Variants in PAK1 observed in about 807,000 individuals in gnomAD.
The protein encoded by PAK1 is p21 (RAC1) activated kinase 1, also known as serine/threonine-protein kinase PAK 1.
Under a neutral mutation model 67.4 loss-of-function variants are expected in PAK1, and 29 were observed. The observed-to-expected ratio is 0.43, with a 90% CI of 0.32 to 0.59. The LOEUF (loss-of-function observed/expected upper bound fraction) is 0.59, where lower values mean the gene tolerates loss of function less well. PAK1 is among the 20% of genes least tolerant of loss of function. The probability of loss-of-function intolerance (pLI) is 0.07; values close to 1 mark genes in which losing one functional copy is unlikely to be tolerated. For missense variants in PAK1, 337 were observed against 670.7 expected (o/e 0.50, Z 5.50); for synonymous variants, 223 against 237.4 (o/e 0.94, Z 0.56).
the PAK1 span, among the ~76,000 whole-genome samples, chr11:77,525,828 A>G: frequency 2.6e-4 from 39 of 152,368 alleles, no homozygotes; most frequent in African/African-American, 9.4e-4. Context: ...TTTTGAAACC[A>G]TCTTTCTCTG....
chr11:77,365,715 C>T (rs1947463356), intron 5 of PAK1, among the ~76,000 whole-genome samples: 1 of 152,004 alleles, frequency 6.6e-6, no homozygotes, highest in African/African-American at 2.4e-5. Context: ...CACCTGAAAT[C>T]CCAGCTACTC....
At chr11:77,355,635 G>C (rs768841164) in intron 7 of PAK1, 33 bp downstream of exon 7, 2 of 1,577,322 alleles carry the variant, frequency 1.3e-6, no homozygotes, top group South Asian at 2.2e-5. Flanking sequence ...GTCATAAAAC[G>C]AAGAAAGGTT....
At chr11:77,374,472 T>A (rs767895855) in intron 4 of PAK1, 107 bp from the exon 5 acceptor site, 15 of 728,334 alleles carry the variant, frequency 2.1e-5, no homozygotes, top group Non-Finnish European at 3.2e-5. Flanking sequence ...ATTCAGAGAA[T>A]AGTAATAGTA....
At chr11:77,414,390 G>A (rs1954835310) in intron 1 of PAK1, among the ~76,000 whole-genome samples, 1 of 152,208 alleles carries the variant, frequency 6.6e-6, no homozygotes, top group Admixed American at 6.5e-5. Context: ...CTTTAAATAT[G>A]TGTAAATATA....
chr11:77,479,198 C>T (rs1958092093), upstream of PAK1, among the ~76,000 whole-genome samples: 2 of 152,028 alleles, frequency 1.3e-5, no homozygotes, highest in Non-Finnish European at 2.9e-5. Context: ...AGAAGCATAC[C>T]GTCACGAGTT....
intron 1 of PAK1, among the ~76,000 whole-genome samples, chr11:77,464,626 TATG>T (rs1488151356): frequency 6.6e-6 from 1 of 152,216 alleles, no homozygotes; most frequent in Non-Finnish European, 1.5e-5. Context: ...CTCCTTGACT[TATG>T]ATTAGGTTAC....
At chr11:77,336,955 A>G (rs1050158432) in intron 12 of PAK1, among the ~76,000 whole-genome samples, 5 of 151,960 alleles carry the variant, frequency 3.3e-5, no homozygotes, top group African/African-American at 7.3e-5. Context: ...TGGACATTCA[A>G]TAAAAGTTTG....
intron 1 of PAK1, among the ~76,000 whole-genome samples, chr11:77,445,392 A>T (rs891575266): frequency 3.9e-5 from 6 of 152,204 alleles, no homozygotes; most frequent in African/African-American, 1.2e-4. Flanking sequence ...CTAAACTACT[A>T]AAGTTTGTAC....
Position 77,445,403 on chromosome 11 carries a change from CCA to C in PAK1, c.-22+28147_-22+28148del, listed in dbSNP as rs1176590916. Reference sequence around the variant, plus strand: ...TTCTCTAAACTACTAAAGTTTGTACCCAGTTTATTTGGTGGCACTGTTCAATT... The same window carrying C: ...TTCTCTAAACTACTAAAGTTTGTACCGTTTATTTGGTGGCACTGTTCAATT... On this transcript the variant is annotated intron_variant, in intron 1 of 14. Coordinates refer to ENST00000356341, the MANE Select transcript of PAK1 (RefSeq NM_002576.5). 3.3e-5 allele frequency among the ~76,000 whole-genome samples: 5 copies of C among 152,152 alleles called. No homozygotes were observed. In the East Asian group the frequency reaches 9.6e-4, roughly 29 times the overall value.
chr11:77,379,217 C>A (rs1299605982), intron 4 of PAK1, 24 bp downstream of exon 4: 2 of 1,564,978 alleles, frequency 1.3e-6, no homozygotes, highest in Non-Finnish European at 1.7e-6. Flanking sequence ...CTTGCTGAGA[C>A]TGCCCTGGAC....
intron 1 of PAK1, among the ~76,000 whole-genome samples, chr11:77,410,366 T>G (rs1181755211): frequency 6.6e-6 from 1 of 151,864 alleles, no homozygotes; most frequent in Non-Finnish European, 1.5e-5. Flanking sequence ...AGGGAGTGCT[T>G]GTTGGCAGGC....
chr11:77,382,735 C>T lies in PAK1; in HGVS notation c.191-2741G>A, dbSNP rs144307130. 7.9e-5 allele frequency among the ~76,000 whole-genome samples: 12 copies of T among 152,256 alleles called. No individual in the cohort carries two copies. The East Asian group carries it at 2.3e-3, about 29-fold the overall frequency. ...GGGAATGGCCGGGCACGGTGGCTCA[C>T]GTCTGTAATCCCAGCACTTTGGGAG... is the stretch of plus-strand genomic sequence containing the variant. On this transcript the variant is annotated intron_variant, in intron 2 of 14. Coordinates refer to ENST00000356341, the MANE Select transcript of PAK1 (RefSeq NM_002576.5).
At chr11:77,372,980 C>G (rs1948631539) in intron 5 of PAK1, among the ~76,000 whole-genome samples, 1 of 152,156 alleles carries the variant, frequency 6.6e-6, no homozygotes, top group Non-Finnish European at 1.5e-5. Flanking sequence ...GAGACAGCCC[C>G]TGGCTTCATG....
chr11:77,365,251 C>CAA (rs1364090865), intron 5 of PAK1, among the ~76,000 whole-genome samples: 14 of 45,478 alleles, frequency 3.1e-4, no homozygotes, highest in African/African-American at 1.9e-3. Context: ...GACTCTGTCT[C>CAA]AAAAAAAAAA....
chr11:77,325,230 C>A, intron 14 of PAK1: 2 of 1,460,212 alleles, frequency 1.4e-6, no homozygotes, highest in Non-Finnish European at 1.9e-6. Flanking sequence ...GCCCTAAGGG[C>A]TTCCAGTTGT....
rs149288362 is a variant in PAK1 at position 77,445,521 on chromosome 11, C to T, written c.-22+28031G>A. 1.1e-3 allele frequency among the ~76,000 whole-genome samples: 168 copies of T among 152,252 alleles called. 2 individuals are homozygous for T. The highest frequency in any genetic ancestry group is 3.9e-3 in the African/African-American group (162 of 41,542). Reference sequence around the variant, plus strand: ...TTTATACTTCTTTGGTATCATCTACCATTCTTAGGGAAAAACTGACCTCAG... The same window carrying T: ...TTTATACTTCTTTGGTATCATCTACTATTCTTAGGGAAAAACTGACCTCAG... On this transcript the variant is annotated intron_variant, in intron 1 of 14. Transcript: ENST00000356341.
chr11:77,337,527 G>T, intron 11 of PAK1, 104 bp from the exon 12 acceptor site: 1 of 544,376 alleles, frequency 1.8e-6, no homozygotes. Context: ...TAAAATAAAG[G>T]AAGTAAGGCC....
intron 5 of PAK1, among the ~76,000 whole-genome samples, chr11:77,366,559 G>A (rs1411934229): frequency 1.3e-5 from 2 of 152,164 alleles, no homozygotes; most frequent in African/African-American, 4.8e-5. Context: ...CTGTTAATGT[G>A]AAGTAGATTG....
intron 8 of PAK1, among the ~76,000 whole-genome samples, chr11:77,351,797 T>C (rs1945282913): frequency 6.6e-6 from 1 of 152,106 alleles, no homozygotes; most frequent in Admixed American, 6.6e-5. Flanking sequence ...AATGCTTTCA[T>C]TCCACTAACA....
Sources: allele counts gnomAD v4.1 joint callset (sites outside exome capture counted in the v4.1 genomes callset), GRCh38; gene constraint gnomAD v4.1.1; transcripts MANE v1.5; gene names NCBI Gene and HGNC (gene_info 2026-07-23, HGNC 2026-07-21).